Variants in BICC1 observed in about 807,000 individuals in gnomAD.
BICC1 encodes the protein BicC family RNA binding protein 1, also known as protein bicaudal C homolog 1.
Under a neutral mutation model 111.0 loss-of-function variants are expected in BICC1, and 43 were observed. The ratio of observed to expected loss-of-function variants is 0.39; its 90% CI spans 0.30 to 0.50. The LOEUF is 0.50. Ranked by LOEUF, BICC1 falls within the 20% of genes least tolerant of loss-of-function variation. The pLI, the probability that BICC1 is intolerant of heterozygous loss-of-function variation, is 0.88. For synonymous variants in BICC1, 467 were observed against 434.4 expected (o/e 1.07, Z -0.93); for missense variants, 1,091 against 1,203.2 (o/e 0.91, Z 1.38).
At chr10:58,755,440 A>G (rs1842118058) in intron 3 of BICC1, among the ~76,000 whole-genome samples, 1 of 152,200 alleles carries the variant, frequency 6.6e-6, no homozygotes, top group South Asian at 2.1e-4. Context: ...GTTTACATTT[A>G]GTTGGATTTC....
chr10:58,744,051 A>G (rs1249034421), intron 3 of BICC1, among the ~76,000 whole-genome samples: 3 of 152,188 alleles, frequency 2.0e-5, no homozygotes, highest in African/African-American at 7.2e-5. Context: ...AGAAGAAGTT[A>G]GCTTATTCAA....
intron 2 of BICC1, among the ~76,000 whole-genome samples, chr10:58,652,264 A>G (rs566735531): frequency 5.3e-5 from 8 of 152,260 alleles, no homozygotes; most frequent in South Asian, 4.1e-4. Context: ...AAAATTTACT[A>G]TTATTGCTTG....
At chr10:58,662,712 A>C (rs1838882885) in intron 2 of BICC1, among the ~76,000 whole-genome samples, 1 of 152,338 alleles carries the variant, frequency 6.6e-6, no homozygotes, top group East Asian at 1.9e-4. Flanking sequence ...TTTTGTTGAC[A>C]ACATTGCAGT....
chr10:58,656,122 A>C lies in BICC1; in HGVS notation c.237+35221A>C, dbSNP rs541191650. Among the ~76,000 whole-genome samples the C allele has an allele frequency of 4.6e-5, 7 of 152,308 alleles. No individual in the cohort carries two copies. The South Asian group carries it at 1.0e-3, about 23-fold the overall frequency. On this transcript the variant is annotated intron_variant, in intron 2 of 20. Transcript: ENST00000373886. The stretch of plus-strand genomic sequence containing the variant: ...AGAAGAAATGGATAAATTCCTTGAC[A>C]CATACACTCTCCCAAGACTAAACCA...
At chr10:58,583,079 G>T (rs1037853038) in intron 1 of BICC1, among the ~76,000 whole-genome samples, 3 of 152,074 alleles carry the variant, frequency 2.0e-5, no homozygotes, top group Non-Finnish European at 4.4e-5. Flanking sequence ...TTCCTCTAGT[G>T]TTCTGTGTCT....
chr10:58,812,854 A>G (rs887264261), intron 17 of BICC1, among the ~76,000 whole-genome samples: 5 of 152,116 alleles, frequency 3.3e-5, no homozygotes, highest in Admixed American at 1.3e-4. Flanking sequence ...TTACTTTTTG[A>G]AAGGACTTGA....
intron 1 of BICC1, among the ~76,000 whole-genome samples, chr10:58,524,372 A>G (rs1842473947): frequency 6.6e-6 from 1 of 152,146 alleles, no homozygotes; most frequent in African/African-American, 2.4e-5. Context: ...ATGGAACAGA[A>G]CAGAGCCCTC....
intron 1 of BICC1, among the ~76,000 whole-genome samples, chr10:58,528,659 G>T (rs1400173736): frequency 6.6e-6 from 1 of 151,890 alleles, no homozygotes; most frequent in East Asian, 1.9e-4. Flanking sequence ...CCCACAAAAT[G>T]TTGATTAGGA....
intron 1 of BICC1, among the ~76,000 whole-genome samples, chr10:58,582,313 G>T (rs1844305525): frequency 1.3e-5 from 2 of 152,064 alleles, no homozygotes; most frequent in South Asian, 2.1e-4. Flanking sequence ...AACATGATGT[G>T]GTCTTTTTGA....
At chr10:58,690,524 C>T (rs1212427862) in intron 2 of BICC1, among the ~76,000 whole-genome samples, 2 of 152,168 alleles carry the variant, frequency 1.3e-5, no homozygotes, top group African/African-American at 2.4e-5. Context: ...AACTTTTGTT[C>T]TGTTCATCCA....
In BICC1 at chr10:58,633,692, G is replaced by A. The variant is rs139348078; in HGVS notation, c.237+12791G>A. On this transcript the variant is annotated intron_variant, in intron 2 of 20. Coordinates refer to ENST00000373886, the MANE Select transcript of BICC1 (RefSeq NM_001080512.3). The stretch of plus-strand genomic sequence containing the variant: ...TTCCAGGAAAACAGTTGGAAGTTTC[G>A]ACTTTGTGGTTTACTTTTGGCTGTG... 1.4e-4 allele frequency among the ~76,000 whole-genome samples: 21 copies of A among 152,120 alleles called. 1 individual carries two copies. Among genetic ancestry groups the A allele is most frequent in the East Asian group, 1.9e-4 (1 of 5,182 alleles).
chr10:58,678,381 A>AT (rs780784938), intron 2 of BICC1, among the ~76,000 whole-genome samples: 27 of 152,210 alleles, frequency 1.8e-4, no homozygotes, highest in Non-Finnish European at 3.1e-4. Context: ...AGCAAAAAAA[A>AT]GCAGGGGTTG....
chr10:58,578,788 C>T (rs902294921), intron 1 of BICC1, among the ~76,000 whole-genome samples: 6 of 152,244 alleles, frequency 3.9e-5, no homozygotes, highest in Admixed American at 1.3e-4. Context: ...AGAGCCATGC[C>T]CCCTCTCCCA....
At position 58,789,809 on chromosome 10, in the gene BICC1, A is replaced by G. The variant is rs1212729741; in HGVS notation, c.923A>G (p.Lys308Arg). Residue 308 changes from lysine to arginine, a missense_variant, in exon 8 of 21, where the codon AAA becomes AGA. Around this residue, in one of 3 missense-constraint regions of BICC1, gnomAD observed 843 missense variants for 900.8 expected, o/e 0.94. Coordinates refer to ENST00000373886, the MANE Select transcript of BICC1 (RefSeq NM_001080512.3). ...FMMGRNGSNI[K>R]HIMQRTGAQI... ...ATGGGTCGAAATGGGAGCAACATCAAACATATCATGCAGAGAACAGGTGCT... is the reference window on the plus strand; with the variant it reads ...ATGGGTCGAAATGGGAGCAACATCAGACATATCATGCAGAGAACAGGTGCT... 1.2e-6 allele frequency: 2 copies of G among 1,614,072 alleles called. No homozygotes were observed. The highest frequency in any genetic ancestry group is 1.7e-6 in the Non-Finnish European group (2 of 1,180,036).
chr10:58,808,624 G>A, intron 17 of BICC1, among the ~76,000 whole-genome samples: 1 of 152,106 alleles, frequency 6.6e-6, no homozygotes, highest in East Asian at 1.9e-4. Flanking sequence ...CATCTGAGCT[G>A]TGTCTCATTC....
At chr10:58,643,070 A>G (rs1838170643) in intron 2 of BICC1, among the ~76,000 whole-genome samples, 1 of 152,214 alleles carries the variant, frequency 6.6e-6, no homozygotes, top group South Asian at 2.1e-4. Context: ...TTTGTAAACC[A>G]GATGTCTCTT....
intron 9 of BICC1, among the ~76,000 whole-genome samples, chr10:58,795,405 T>A (rs1843321657): frequency 6.6e-6 from 1 of 152,166 alleles, no homozygotes; most frequent in Admixed American, 6.5e-5. Context: ...GTGACTAATT[T>A]GAGTTGACCA....
At chr10:58,527,176 C>G (rs1334637141) in intron 1 of BICC1, among the ~76,000 whole-genome samples, 1 of 152,108 alleles carries the variant, frequency 6.6e-6, no homozygotes, top group Non-Finnish European at 1.5e-5. Flanking sequence ...CTCTGATGGC[C>G]AGTGATGATG....
chr10:58,674,890 T>TTTCTGA (rs1839292492), intron 2 of BICC1, among the ~76,000 whole-genome samples: 1 of 152,202 alleles, frequency 6.6e-6, no homozygotes, highest in African/African-American at 2.4e-5. Flanking sequence ...GGCCTGGTTA[T>TTTCTGA]GGATAGTCTT....
Sources: allele counts gnomAD v4.1 joint callset (sites outside exome capture counted in the v4.1 genomes callset), GRCh38; gene constraint gnomAD v4.1.1; regional missense constraint gnomAD v4.1.1; transcripts MANE v1.5; gene names NCBI Gene and HGNC (gene_info 2026-07-23, HGNC 2026-07-21).